Variants in CEP63 observed in about 807,000 individuals in gnomAD.
CEP63 encodes centrosomal protein 63, also known as centrosomal protein of 63 kDa.
In CEP63, 84 loss-of-function variants were observed where a neutral mutation model predicts 89.1. That is an observed-to-expected ratio of 0.94 (90% CI 0.79 to 1.13). The LOEUF is 1.13. Among genes scored for constraint, CEP63 ranks in the 50% most tolerant of loss-of-function variants. The pLI, the probability that CEP63 is intolerant of heterozygous loss-of-function variation, is 0.00. For synonymous variants in CEP63, 267 were observed against 272.5 expected, an observed-to-expected ratio of 0.98 and a Z score of 0.20; for missense variants, 838 against 813.3, an observed-to-expected ratio of 1.03 and a Z score of -0.37.
downstream of CEP63, among the ~76,000 whole-genome samples, chr3:134,570,026 A>G (rs1325820425): frequency 6.6e-6 from 1 of 152,204 alleles, no homozygotes; most frequent in Non-Finnish European, 1.5e-5. Flanking sequence ...CCACAGCTGG[A>G]GTGGCTGGGA....
intron 11 of CEP63, among the ~76,000 whole-genome samples, chr3:134,572,334 G>A (rs1265539662): frequency 6.6e-6 from 1 of 152,098 alleles, no homozygotes; most frequent in Non-Finnish European, 1.5e-5. Flanking sequence ...GCTGAGGTTT[G>A]GGATATGAAT....
the CEP63 span, among the ~76,000 whole-genome samples, chr3:134,633,945 A>G: frequency 6.6e-6 from 1 of 152,224 alleles, no homozygotes; most frequent in Non-Finnish European, 1.5e-5. Context: ...CATCGATTGT[A>G]TTTCTGTATA....
At chr3:134,535,678 G>A (rs1307935941) in intron 5 of CEP63, 1 of 151,996 alleles carries the variant, frequency 6.6e-6, no homozygotes, top group Non-Finnish European at 1.5e-5. Flanking sequence ...TCTAAAATGT[G>A]TCAAACTTAA....
At chr3:134,630,897 C>T in the CEP63 span, among the ~76,000 whole-genome samples, 2 of 151,648 alleles carry the variant, frequency 1.3e-5, no homozygotes, top group Non-Finnish European at 2.9e-5. Flanking sequence ...AAAGTATCAG[C>T]GATAAAAAAG....
At chr3:134,781,561 A>C in the CEP63 span, among the ~76,000 whole-genome samples, 2 of 151,564 alleles carry the variant, frequency 1.3e-5, no homozygotes, top group African/African-American at 4.9e-5. Flanking sequence ...TACTACGCTC[A>C]CTACCTGGGT....
the CEP63 span, among the ~76,000 whole-genome samples, chr3:134,697,676 C>T: frequency 1.3e-5 from 2 of 152,182 alleles, no homozygotes; most frequent in East Asian, 3.9e-4. Context: ...GCTAATGGGC[C>T]TCAGCTTATG....
At chr3:134,545,063 G>A (rs1050838101) in intron 6 of CEP63, among the ~76,000 whole-genome samples, 2 of 152,028 alleles carry the variant, frequency 1.3e-5, no homozygotes, top group African/African-American at 2.4e-5. Context: ...GCGCAATCTC[G>A]GCTCACTGCA....
chr3:134,612,030 A>G, the CEP63 span, among the ~76,000 whole-genome samples: 1 of 152,228 alleles, frequency 6.6e-6, no homozygotes. Context: ...GTTTCTTCAC[A>G]TGCATGCAAT....
At chr3:134,725,034 A>G in the CEP63 span, among the ~76,000 whole-genome samples, 12 of 152,184 alleles carry the variant, frequency 7.9e-5, no homozygotes, top group Admixed American at 2.0e-4. Flanking sequence ...TATCTAAAAT[A>G]CTACCAAATC....
Position 134,559,372 on chromosome 3 carries a change from C to G in CEP63, c.1896C>G (p.Ala632=). 6.2e-7 allele frequency: 1 copy of G among 1,613,992 alleles called. No individual in the cohort carries two copies. The highest frequency in any genetic ancestry group is 8.5e-7 in the Non-Finnish European group (1 of 1,179,902). Reference sequence around the variant, plus strand: ...CTTCAGCGCTAGATACAAATGAAGCCAATTTTTCTGACACTATGTCTGAGA... The same window carrying G: ...CTTCAGCGCTAGATACAAATGAAGCGAATTTTTCTGACACTATGTCTGAGA... The part of the protein sequence containing the change: ...SLPSALDTNE[A]NFSDTMSESM... Residue 632 remains alanine (A), a synonymous_variant, in exon 14 of 15, where the codon GCC becomes GCG. Transcript: ENST00000675561.
chr3:134,683,048 T>C, the CEP63 span, among the ~76,000 whole-genome samples: 1 of 152,206 alleles, frequency 6.6e-6, no homozygotes, highest in African/African-American at 2.4e-5. Context: ...CTGAAAGAGT[T>C]TGTGGAAATG....
chr3:134,589,589 C>CAAAAAA (rs55675043), downstream of CEP63, among the ~76,000 whole-genome samples: 727 of 147,180 alleles, frequency 4.9e-3, 3 homozygotes, highest in Non-Finnish European at 7.2e-3. Flanking sequence ...ATTAAAATGT[C>CAAAAAA]AAAAAAAAAA....
the CEP63 span, among the ~76,000 whole-genome samples, chr3:134,645,451 A>G: frequency 6.6e-6 from 1 of 152,162 alleles, no homozygotes; most frequent in South Asian, 2.1e-4. Context: ...TCCAGTTACC[A>G]GGGCTGGGCG....
the CEP63 span, among the ~76,000 whole-genome samples, chr3:134,757,862 TC>T: frequency 6.6e-6 from 1 of 152,028 alleles, no homozygotes; most frequent in Admixed American, 6.5e-5. Context: ...TCTGAGCACT[TC>T]CATGTGCCCC....
the CEP63 span, among the ~76,000 whole-genome samples, chr3:134,686,079 C>G: frequency 6.6e-6 from 1 of 152,354 alleles, no homozygotes; most frequent in East Asian, 1.9e-4. Flanking sequence ...AGCAACTCCT[C>G]TCCTCACAGG....
At chr3:134,518,245 A>G (rs1030130647) in intron 3 of CEP63, among the ~76,000 whole-genome samples, 3 of 152,338 alleles carry the variant, frequency 2.0e-5, no homozygotes, top group Admixed American at 6.5e-5. Flanking sequence ...TACAACAAGC[A>G]GAGAAAACCT....
the CEP63 span, among the ~76,000 whole-genome samples, chr3:134,737,419 T>A: frequency 6.6e-6 from 1 of 151,990 alleles, no homozygotes; most frequent in African/African-American, 2.4e-5. Context: ...CCAGATTATA[T>A]AAATAACCTC....
chr3:134,694,490 G>A, the CEP63 span, among the ~76,000 whole-genome samples: 4 of 152,200 alleles, frequency 2.6e-5, no homozygotes, highest in Admixed American at 2.0e-4. Flanking sequence ...CTTCATTCCA[G>A]CATCAACAAG....
the CEP63 span, among the ~76,000 whole-genome samples, chr3:134,750,403 G>A: frequency 6.6e-6 from 1 of 152,206 alleles, no homozygotes; most frequent in Non-Finnish European, 1.5e-5. Context: ...AACTCTGAGT[G>A]GAAGCAACTG....
Sources: gnomAD v4.1 joint callset for allele counts (sites outside exome capture counted in the v4.1 genomes callset) on GRCh38, gnomAD v4.1.1 for gene constraint, MANE v1.5 for transcripts, NCBI Gene and HGNC (gene_info 2026-07-23, HGNC 2026-07-21) for gene names.